Variants in STIM2 observed in about 807,000 individuals in gnomAD.
STIM2 encodes stromal interaction molecule 2.
STIM2 carries 31 observed loss-of-function variants against 85.8 expected under a neutral mutation model. That is an observed-to-expected ratio of 0.36 (90% confidence interval 0.27 to 0.49). STIM2 has a LOEUF of 0.49. STIM2 is among the 20% of genes least tolerant of loss of function. The pLI is 0.98. For missense variants in STIM2, 841 were observed against 927.6 expected (o/e 0.91, Z 1.21); for synonymous variants, 356 against 331.1 (o/e 1.08, Z -0.82).
intron 2 of STIM2, among the ~76,000 whole-genome samples, chr4:26,937,774 T>TA (rs561392558): frequency 6.2e-4 from 94 of 152,308 alleles, no homozygotes; most frequent in African/African-American, 2.2e-3. Context: ...CAGTTGTACT[T>TA]ACCTTTATCT....
chr4:27,006,573 G>C (rs1347208545), intron 7 of STIM2, among the ~76,000 whole-genome samples: 1 of 152,132 alleles, frequency 6.6e-6, no homozygotes, highest in Non-Finnish European at 1.5e-5. Flanking sequence ...TAGTTTGAAA[G>C]CTCTTGCTAG....
In STIM2 at chr4:26,861,068, G is replaced by C. The variant is rs1307939030; in HGVS notation, c.-151G>C. ...GGCGGGGGCGGCCGGAGGAGTCGCC[G>C]GCGGCGGTGGTGGCGCCTCGCGGAG... On this transcript the variant is annotated 5_prime_UTR_variant, in exon 1 of 12. Coordinates refer to ENST00000467087, the MANE Select transcript of STIM2 (RefSeq NM_020860.4). The C allele has an allele frequency of 3.8e-5, 45 of 1,186,570 alleles. No individual in the cohort carries two copies. The highest frequency in any genetic ancestry group is 4.6e-5 in the Non-Finnish European group (44 of 961,526). The allele number at this position is 1,186,570 out of a possible 1,614,324, so 73.5% of individuals were successfully genotyped here.
At chr4:26,969,983 AT>A (rs1726870177) in intron 3 of STIM2, among the ~76,000 whole-genome samples, 1 of 146,212 alleles carries the variant, frequency 6.8e-6, no homozygotes, top group Admixed American at 7.0e-5. Context: ...TCATTTTAAA[AT>A]TTGAGCAGTT....
intron 3 of STIM2, among the ~76,000 whole-genome samples, chr4:26,960,883 G>A (rs1560220817): frequency 6.6e-6 from 1 of 152,004 alleles, no homozygotes; most frequent in Non-Finnish European, 1.5e-5. Context: ...GGCCAACATG[G>A]CAAAACCCTG....
intron 1 of STIM2, among the ~76,000 whole-genome samples, chr4:26,896,581 C>T (rs978128823): frequency 6.6e-6 from 1 of 152,154 alleles, no homozygotes; most frequent in African/African-American, 2.4e-5. Context: ...TGTATTCTCA[C>T]AAGCAGTTTT....
intron 1 of STIM2, among the ~76,000 whole-genome samples, chr4:26,877,586 C>T (rs376098925): frequency 1.3e-5 from 2 of 151,294 alleles, no homozygotes; most frequent in African/African-American, 2.4e-5. Context: ...TCTAGAAATG[C>T]GTATACCTCC....
At chr4:26,995,551 T>G (rs1727928654) in intron 4 of STIM2, 61 bp downstream of exon 4, 1 of 1,027,484 alleles carries the variant, frequency 9.7e-7, no homozygotes, top group Non-Finnish European at 1.4e-6. Context: ...TAGATGTCAT[T>G]TCCCCATACT....
chr4:26,889,010 A>G (rs531502601), intron 1 of STIM2, among the ~76,000 whole-genome samples: 15 of 152,302 alleles, frequency 9.8e-5, no homozygotes, highest in Middle Eastern at 3.4e-3. Context: ...GAATCATTCT[A>G]TCTCCCAGTG....
intron 2 of STIM2, among the ~76,000 whole-genome samples, chr4:26,955,809 AG>A (rs1387263817): frequency 2.6e-5 from 4 of 151,936 alleles, no homozygotes; most frequent in African/African-American, 4.8e-5. Flanking sequence ...TTGCTGTGGA[AG>A]TGTTTTCTAA....
chr4:26,929,909 G>A (rs912986987), intron 2 of STIM2, among the ~76,000 whole-genome samples: 2 of 152,108 alleles, frequency 1.3e-5, no homozygotes, highest in African/African-American at 2.4e-5. Flanking sequence ...GTTCTATAGG[G>A]TGGCAGGCAA....
intron 5 of STIM2, among the ~76,000 whole-genome samples, chr4:27,001,963 CCTT>C (rs777745492): frequency 2.9e-4 from 44 of 152,264 alleles, no homozygotes; most frequent in Admixed American, 8.5e-4. Flanking sequence ...TTTGACCACT[CCTT>C]CTCCCACCAG....
Position 26,915,395 on chromosome 4 carries a change from C to T in STIM2, c.152-4109C>T, listed in dbSNP as rs371883159. Among the ~76,000 whole-genome samples, 77 of 152,092 alleles carry T rather than the reference C, an allele frequency of 5.1e-4. No homozygotes were observed. The South Asian group carries it at 8.1e-3, about 16-fold the overall frequency. On this transcript the variant is annotated intron_variant, in intron 1 of 11. Coordinates refer to ENST00000467087, the MANE Select transcript of STIM2 (RefSeq NM_020860.4). ...GACTACAGGAGCATGCCACTATGCC[C>T]GGCTAATTTTTGTATTTTTCGTAGG...
intron 1 of STIM2, among the ~76,000 whole-genome samples, chr4:26,892,555 T>C (rs1187414357): frequency 6.6e-6 from 1 of 152,178 alleles, no homozygotes; most frequent in Non-Finnish European, 1.5e-5. Flanking sequence ...ATTCAGTCCA[T>C]GACACCCCTG....
At chr4:26,883,628 T>C (rs937358248) in intron 1 of STIM2, among the ~76,000 whole-genome samples, 1 of 152,172 alleles carries the variant, frequency 6.6e-6, no homozygotes, top group Non-Finnish European at 1.5e-5. Context: ...ATCCATTCTT[T>C]GTAACACAGC....
At chr4:26,935,293 CTTGT>C (rs1472200238) in intron 2 of STIM2, among the ~76,000 whole-genome samples, 1 of 152,054 alleles carries the variant, frequency 6.6e-6, no homozygotes, top group Non-Finnish European at 1.5e-5. Context: ...GCATTACATA[CTTGT>C]TTGTCATTTT....
chr4:26,891,933 G>T (rs1560197177), intron 1 of STIM2, among the ~76,000 whole-genome samples: 1 of 152,182 alleles, frequency 6.6e-6, no homozygotes, highest in Non-Finnish European at 1.5e-5. Context: ...TTGTGCGAGG[G>T]ACCCAGTGGG....
chr4:26,996,618 TAA>T (rs1727968939), intron 4 of STIM2, among the ~76,000 whole-genome samples: 1 of 152,096 alleles, frequency 6.6e-6, no homozygotes, highest in South Asian at 2.1e-4. Flanking sequence ...ATTATAGGGA[TAA>T]GAGTCAATTT....
chr4:26,950,062 A>G (rs1282297090), intron 2 of STIM2, among the ~76,000 whole-genome samples: 4 of 152,182 alleles, frequency 2.6e-5, no homozygotes, highest in Non-Finnish European at 1.5e-5. Context: ...TCAGTGATGG[A>G]TACTAGAAAT....
intron 1 of STIM2, among the ~76,000 whole-genome samples, chr4:26,866,339 G>A (rs2109424209): frequency 6.6e-6 from 1 of 152,304 alleles, no homozygotes; most frequent in Non-Finnish European, 1.5e-5. Flanking sequence ...TGGTTCCAAA[G>A]CTTGGATTCT....
Sources: allele counts gnomAD v4.1 joint callset (sites outside exome capture counted in the v4.1 genomes callset), GRCh38; gene constraint gnomAD v4.1.1; transcripts MANE v1.5; gene names NCBI Gene and HGNC (gene_info 2026-07-23, HGNC 2026-07-21).